MDGA2: variants seen among roughly 807,000 people sequenced by gnomAD.
MDGA2 encodes the protein MAM domain-containing glycosylphosphatidylinositol anchor protein 2.
Under a neutral mutation model 117.8 loss-of-function variants are expected in MDGA2, and 40 were observed. That is an observed-to-expected ratio of 0.34 (90% CI 0.26 to 0.44). MDGA2 has a LOEUF of 0.44. Among genes scored for constraint, MDGA2 ranks in the 20% least tolerant of loss-of-function variants. The pLI, the probability that MDGA2 is intolerant of heterozygous loss-of-function variation, is 1.00. For synonymous variants in MDGA2, 452 were observed against 439.0 expected (o/e 1.03, Z -0.37); for missense variants, 1,123 against 1,250.6 (o/e 0.90, Z 1.54).
chr14:47,450,859 C>A (rs1447032110), intron 1 of MDGA2, among the ~76,000 whole-genome samples: 1 of 152,162 alleles, frequency 6.6e-6, no homozygotes, highest in South Asian at 2.1e-4. Context: ...GAAGGACTTG[C>A]TTTTCAAATA....
intron 3 of MDGA2, among the ~76,000 whole-genome samples, chr14:47,216,083 C>G (rs1886077107): frequency 6.6e-6 from 1 of 151,988 alleles, no homozygotes; most frequent in Non-Finnish European, 1.5e-5. Flanking sequence ...GATACTCAGG[C>G]ACAACCCAGT....
chr14:47,277,062 G>C (rs1007768298), intron 2 of MDGA2, among the ~76,000 whole-genome samples: 6 of 152,210 alleles, frequency 3.9e-5, no homozygotes, highest in Non-Finnish European at 7.4e-5. Context: ...ATCTACAAGG[G>C]ACAGCGAAGC....
chr14:47,139,815 C>T (rs199833647), intron 4 of MDGA2, among the ~76,000 whole-genome samples: 109 of 53,112 alleles, frequency 2.1e-3, no homozygotes, highest in African/African-American at 4.6e-3. Flanking sequence ...TATATATATA[C>T]ACACATATAT....
At chr14:46,913,273 G>C (rs375162765) in intron 10 of MDGA2, among the ~76,000 whole-genome samples, 16 of 151,864 alleles carry the variant, frequency 1.1e-4, no homozygotes, top group African/African-American at 3.9e-4. Flanking sequence ...ATAACATTCA[G>C]TATACTCAGT....
At chr14:47,219,731 T>C (rs1453341227) in intron 2 of MDGA2, among the ~76,000 whole-genome samples, 1 of 151,890 alleles carries the variant, frequency 6.6e-6, no homozygotes, top group African/African-American at 2.4e-5. Context: ...ATACAGTCAT[T>C]AGAAAAAATA....
chr14:47,605,500 C>G (rs1009103043), intron 1 of MDGA2, among the ~76,000 whole-genome samples: 3 of 152,086 alleles, frequency 2.0e-5, no homozygotes, highest in Non-Finnish European at 4.4e-5. Context: ...TCACATTTTT[C>G]TATAAACATT....
intron 9 of MDGA2, among the ~76,000 whole-genome samples, chr14:46,927,885 C>A (rs972140493): frequency 6.6e-6 from 1 of 152,158 alleles, no homozygotes; most frequent in Admixed American, 6.6e-5. Flanking sequence ...GACTACCCTG[C>A]GACCACACTT....
intron 7 of MDGA2, among the ~76,000 whole-genome samples, chr14:47,042,006 C>G (rs971420715): frequency 5.3e-5 from 8 of 151,952 alleles, no homozygotes; most frequent in African/African-American, 1.7e-4. Flanking sequence ...ATATAATTTT[C>G]TTCCAAAAGA....
At chr14:47,456,265 G>C (rs1356601804) in intron 1 of MDGA2, among the ~76,000 whole-genome samples, 6 of 150,712 alleles carry the variant, frequency 4.0e-5, no homozygotes, top group African/African-American at 1.5e-4. Context: ...ATAGACAATT[G>C]AGTCAGTGTG....
At chr14:47,665,666 G>C (rs950089845) in intron 1 of MDGA2, among the ~76,000 whole-genome samples, 1 of 152,150 alleles carries the variant, frequency 6.6e-6, no homozygotes, top group East Asian at 1.9e-4. Context: ...GGGGGGCTTA[G>C]CACCTGGGCC....
chr14:47,359,942 T>C (rs537809164), intron 1 of MDGA2, among the ~76,000 whole-genome samples: 69 of 152,108 alleles, frequency 4.5e-4, no homozygotes, highest in Admixed American at 1.8e-3. Flanking sequence ...ACTCAACTTA[T>C]AGATTAAGAA....
At chr14:47,513,317 A>G (rs1487325212) in intron 1 of MDGA2, among the ~76,000 whole-genome samples, 4 of 152,142 alleles carry the variant, frequency 2.6e-5, no homozygotes, top group African/African-American at 9.7e-5. Context: ...GTAATAGTTT[A>G]TGTACTAGTG....
chr14:47,180,733 C>T (rs963664186), intron 3 of MDGA2, among the ~76,000 whole-genome samples: 1 of 152,062 alleles, frequency 6.6e-6, no homozygotes, highest in African/African-American at 2.4e-5. Flanking sequence ...CCACCCTGGG[C>T]AACATAGTGA....
chr14:47,317,692 T>TA (rs1438492759), intron 1 of MDGA2, among the ~76,000 whole-genome samples: 2 of 151,854 alleles, frequency 1.3e-5, no homozygotes, highest in African/African-American at 2.4e-5. Context: ...GGGAAAAGAG[T>TA]AAAAAACCAC....
chr14:47,155,882 CTTCTTCTTTTTTTTTTTTTTTTTTTT>C (rs1883352220), intron 3 of MDGA2, among the ~76,000 whole-genome samples: 1 of 38,828 alleles, frequency 2.6e-5, no homozygotes, highest in Non-Finnish European at 4.5e-5. Context: ...TTTTCTTCTT[CTTCTTCTTTTTTTTTTTTTTTTTTTT>C]TTTTTTTTTT....
intron 1 of MDGA2, among the ~76,000 whole-genome samples, chr14:47,438,817 G>C (rs570577607): frequency 3.3e-5 from 5 of 152,144 alleles, no homozygotes; most frequent in African/African-American, 1.2e-4. Flanking sequence ...GAAAGGAATT[G>C]ATCATTTGGA....
chr14:47,296,549 T>C (rs1348207670), intron 2 of MDGA2, among the ~76,000 whole-genome samples: 1 of 152,184 alleles, frequency 6.6e-6, no homozygotes, highest in East Asian at 1.9e-4. Context: ...AATGTTCAAA[T>C]TGGCTAGTGA....
At chr14:46,979,760 G>A (rs935623516) in intron 8 of MDGA2, among the ~76,000 whole-genome samples, 6 of 152,146 alleles carry the variant, frequency 3.9e-5, no homozygotes, top group Non-Finnish European at 8.8e-5. Flanking sequence ...GCTATCAAAG[G>A]TTGATTGATG....
chr14:47,452,925 T>C (rs5013031), intron 1 of MDGA2, among the ~76,000 whole-genome samples: 48,256 of 151,916 alleles, frequency 0.32, 8,235 homozygotes, highest in East Asian at 0.58. Flanking sequence ...ATGAGTCACA[T>C]TGTGGAAGGC....
Sources: gnomAD v4.1 joint callset for allele counts (sites outside exome capture counted in the v4.1 genomes callset) on GRCh38, gnomAD v4.1.1 for gene constraint, MANE v1.5 for transcripts, NCBI Gene and HGNC (gene_info 2026-07-23, HGNC 2026-07-21) for gene names.